WTAP: variants seen among roughly 807,000 people sequenced by gnomAD.
WTAP encodes pre-mRNA-splicing regulator WTAP.
A neutral mutation model predicts 50.0 loss-of-function variants in WTAP; 8 were observed. The observed-to-expected ratio is 0.16, with a 90% confidence interval of 0.09 to 0.29. WTAP has a LOEUF of 0.29. WTAP is among the 10% of genes least tolerant of loss of function. WTAP has a pLI of 1.00. For missense variants in WTAP, 295 were observed against 470.7 expected, an observed-to-expected ratio of 0.63 and a Z score of 3.45; for synonymous variants, 194 against 169.0, an observed-to-expected ratio of 1.15 and a Z score of -1.15.
intron 1 of WTAP, among the ~76,000 whole-genome samples, chr6:159,732,397 A>ATC (rs1778627494): frequency 1.3e-5 from 2 of 152,204 alleles, no homozygotes; most frequent in Non-Finnish European, 2.9e-5. Flanking sequence ...TCATTCACAG[A>ATC]TCTCTACCAC....
At chr6:159,744,836 A>G (rs1026774450) in intron 5 of WTAP, among the ~76,000 whole-genome samples, 2 of 152,142 alleles carry the variant, frequency 1.3e-5, no homozygotes, top group African/African-American at 4.8e-5. Context: ...TGCGCCACCA[A>G]GCGCAGCTAA....
At chr6:159,727,154 C>A, upstream of WTAP, 1 of 1,194,432 alleles carries the variant, frequency 8.4e-7, no homozygotes, top group East Asian at 6.1e-5. Context: ...CCGGGGCCCG[C>A]GGAGCTCGCG....
intron 5 of WTAP, among the ~76,000 whole-genome samples, chr6:159,746,823 G>A (rs2114940466): frequency 6.6e-6 from 1 of 152,284 alleles, no homozygotes; most frequent in South Asian, 2.1e-4. Context: ...CCTAGAACAT[G>A]GAATTTATTC....
intron 5 of WTAP, among the ~76,000 whole-genome samples, chr6:159,747,706 A>C (rs1779656461): frequency 6.6e-6 from 1 of 152,176 alleles, no homozygotes; most frequent in African/African-American, 2.4e-5. Flanking sequence ...ATTAACTCTT[A>C]GGTAATTAAT....
chr6:159,746,782 C>T (rs577262226), intron 5 of WTAP, among the ~76,000 whole-genome samples: 1 of 152,296 alleles, frequency 6.6e-6, no homozygotes, highest in African/African-American at 2.4e-5. Flanking sequence ...ATAAAACTAA[C>T]TTTGAAAACA....
intron 5 of WTAP, among the ~76,000 whole-genome samples, chr6:159,744,769 G>T (rs1357332561): frequency 1.3e-5 from 2 of 152,100 alleles, no homozygotes; most frequent in African/African-American, 4.8e-5. Flanking sequence ...ATCCAGGCTG[G>T]AGTGCAGTGG....
chr6:159,744,338 C>T (rs568863826), intron 5 of WTAP, among the ~76,000 whole-genome samples: 7 of 152,270 alleles, frequency 4.6e-5, no homozygotes, highest in Non-Finnish European at 7.4e-5. Context: ...CTCAATCTTA[C>T]GGTGTAATTA....
intron 6 of WTAP, among the ~76,000 whole-genome samples, chr6:159,753,033 A>G (rs1779877847): frequency 6.6e-6 from 1 of 152,174 alleles, no homozygotes; most frequent in African/African-American, 2.4e-5. Flanking sequence ...GTAGGTACTG[A>G]TTTTCATAAA....
At chr6:159,733,693 C>T (rs918502476) in intron 1 of WTAP, among the ~76,000 whole-genome samples, 1 of 151,592 alleles carries the variant, frequency 6.6e-6, no homozygotes, top group South Asian at 2.1e-4. Context: ...GTGGGCAGAT[C>T]ACCTGAGGTC....
chr6:159,743,953 A>T (rs1417562343), intron 5 of WTAP, among the ~76,000 whole-genome samples, 161 bp downstream of exon 5: 1 of 152,158 alleles, frequency 6.6e-6, no homozygotes, highest in Non-Finnish European at 1.5e-5. Flanking sequence ...AAATTTTGAT[A>T]ATGTCTCATT....
At chr6:159,740,851 G>A (rs1343802318) in intron 3 of WTAP, among the ~76,000 whole-genome samples, 1 of 151,830 alleles carries the variant, frequency 6.6e-6, no homozygotes, top group Admixed American at 6.6e-5. Flanking sequence ...ACGGGCATGC[G>A]CCACCATGCC....
At chr6:159,740,271 T>C (rs1779173301) in intron 3 of WTAP, among the ~76,000 whole-genome samples, 1 of 152,218 alleles carries the variant, frequency 6.6e-6, no homozygotes, top group African/African-American at 2.4e-5. Flanking sequence ...TCAGTAATCT[T>C]AATAAAGAAT....
chr6:159,737,520 G>A (rs1351847368), intron 2 of WTAP, among the ~76,000 whole-genome samples: 1 of 152,024 alleles, frequency 6.6e-6, no homozygotes, highest in Admixed American at 6.6e-5. Context: ...CTGAGACAGA[G>A]TCTCACTCTG....
chr6:159,744,026 A>G (rs1779416278), intron 5 of WTAP, among the ~76,000 whole-genome samples: 1 of 152,094 alleles, frequency 6.6e-6, no homozygotes, highest in Non-Finnish European at 1.5e-5. Flanking sequence ...TTCATGCCTT[A>G]TAAGTATTAG....
chr6:159,752,822 G>A (rs532190913), intron 6 of WTAP, among the ~76,000 whole-genome samples: 31 of 152,258 alleles, frequency 2.0e-4, no homozygotes, highest in Non-Finnish European at 3.4e-4. Flanking sequence ...TGGTCACAGC[G>A]TCAACCACTT....
At chr6:159,736,219 A>T (rs1778904146) in intron 1 of WTAP, 39 bp from the exon 2 acceptor site, 1 of 1,575,300 alleles carries the variant, frequency 6.3e-7, no homozygotes, top group Non-Finnish European at 8.6e-7. Context: ...CACTGGAAGA[A>T]AATAAATTGA....
At position 159,748,355 on chromosome 6, in the gene WTAP, G is replaced by A. The variant is rs1779697441; in HGVS notation, c.438G>A (p.Lys146=). 6.2e-7 allele frequency: 1 copy of A among 1,613,594 alleles called. No homozygotes were observed. The highest frequency in any genetic ancestry group is 8.5e-7 in the Non-Finnish European group (1 of 1,179,616). Residue 146 remains lysine, a synonymous_variant, in exon 6 of 8, where the codon AAG becomes AAA. Coordinates refer to ENST00000621533, the MANE Select transcript of WTAP (RefSeq NM_001270531.2). The surrounding 1 kb of genome is among the most constrained non-coding windows in gnomAD (Gnocchi z 5.6). ...EQAQNELSAW[K]FTPDSQTGKK... is the part of the protein sequence containing the mutation. Reference sequence around the variant, plus strand: ...CCCAAAATGAACTGAGTGCCTGGAAGTTTACGCCTGATAGGTAAACAAATC... The same window carrying A: ...CCCAAAATGAACTGAGTGCCTGGAAATTTACGCCTGATAGGTAAACAAATC...
Position 159,732,984 on chromosome 6 carries a change from T to C in WTAP, c.-8-3274T>C, listed in dbSNP as rs557609424. ...GAAATGCCAGATTTGATATCTGGGT[T>C]CTAAGACTTTGCAGCCTAATGCATG... On this transcript the variant is annotated intron_variant, in intron 1 of 7. Coordinates refer to ENST00000621533, the MANE Select transcript of WTAP (RefSeq NM_001270531.2). Among the ~76,000 whole-genome samples, 36 of 151,990 alleles carry C rather than the reference T, an allele frequency of 2.4e-4. No individual in the cohort carries two copies. In the Middle Eastern group the frequency reaches 0.017, roughly 72 times the overall value.
upstream of WTAP, chr6:159,727,475 G>C (rs1350702886): frequency 1.0e-6 from 1 of 993,754 alleles, no homozygotes; most frequent in East Asian, 1.1e-4. Flanking sequence ...GCCGTGCGGC[G>C]GGGCGGGGCC....
Sources: gnomAD v4.1 joint callset for allele counts (sites outside exome capture counted in the v4.1 genomes callset) on GRCh38, gnomAD v4.1.1 for gene constraint, Gnocchi (gnomAD v3.1) non-coding constraint, MANE v1.5 for transcripts, NCBI Gene and HGNC (gene_info 2026-07-23, HGNC 2026-07-21) for gene names.